PM20D2: variants seen among roughly 807,000 people sequenced by gnomAD.
The protein encoded by PM20D2 is xaa-Arg dipeptidase.
In PM20D2, 33 loss-of-function variants were observed where a neutral mutation model predicts 42.9. That is an observed-to-expected ratio of 0.77 (90% CI 0.58 to 1.03). The LOEUF is 1.03. Ranked by LOEUF, PM20D2 falls within the 50% of genes least tolerant of loss-of-function variation. PM20D2 has a pLI of 0.00. For missense variants in PM20D2, 548 were observed against 557.0 expected (o/e 0.98, Z 0.16); for synonymous variants, 250 against 228.2 (o/e 1.10, Z -0.86).
chr6:89,150,684 C>T (rs1351820892), intron 2 of PM20D2, among the ~76,000 whole-genome samples: 14 of 151,330 alleles, frequency 9.3e-5, no homozygotes, highest in African/African-American at 3.1e-4. Context: ...GGATTACAGG[C>T]GTGCGCCACC....
chr6:89,153,703 T>C (rs1327881887), intron 3 of PM20D2, among the ~76,000 whole-genome samples: 1 of 152,150 alleles, frequency 6.6e-6, no homozygotes, highest in Non-Finnish European at 1.5e-5. Flanking sequence ...GTTCAAGTGA[T>C]GCTCCTGCTT....
the PM20D2 span, among the ~76,000 whole-genome samples, chr6:89,123,543 T>C: frequency 1.3e-5 from 2 of 150,622 alleles, no homozygotes; most frequent in African/African-American, 4.9e-5. Flanking sequence ...CAACATACGA[T>C]ACCTCATCTC....
chr6:89,109,482 T>C, the PM20D2 span, among the ~76,000 whole-genome samples: 1 of 152,168 alleles, frequency 6.6e-6, no homozygotes, highest in African/African-American at 2.4e-5. Flanking sequence ...ACACAGCCAG[T>C]AGTAGAGCTA....
the PM20D2 span, among the ~76,000 whole-genome samples, chr6:89,116,282 C>T: frequency 6.6e-6 from 1 of 152,172 alleles, no homozygotes; most frequent in African/African-American, 2.4e-5. Context: ...AGGCTTGATG[C>T]TTATTCCATT....
chr6:89,109,387 T>C, the PM20D2 span, among the ~76,000 whole-genome samples: 1 of 152,150 alleles, frequency 6.6e-6, no homozygotes, highest in East Asian at 1.9e-4. Flanking sequence ...TATATTTGCC[T>C]ATCAATGAAA....
At chr6:89,095,934 T>C in the PM20D2 span, 1 of 152,230 alleles carries the variant, frequency 6.6e-6, no homozygotes, top group Non-Finnish European at 1.5e-5. Context: ...ATATAGTCTC[T>C]TTAAAAGAAC....
At chr6:89,162,010 T>C in intron 6 of PM20D2, 99 bp from the exon 7 acceptor site, 4 of 1,488,256 alleles carry the variant, frequency 2.7e-6, no homozygotes, top group Non-Finnish European at 3.7e-6. Context: ...TGCACTGTGG[T>C]GGGCAGTTGG....
chr6:89,136,847 A>T, the PM20D2 span, among the ~76,000 whole-genome samples: 1 of 151,226 alleles, frequency 6.6e-6, no homozygotes, highest in African/African-American at 2.5e-5. Flanking sequence ...TAGCAAAGGG[A>T]TGTCAGACAA....
At chr6:89,115,826 G>A in the PM20D2 span, among the ~76,000 whole-genome samples, 1 of 151,202 alleles carries the variant, frequency 6.6e-6, no homozygotes, top group East Asian at 2.0e-4. Flanking sequence ...TAGTAGAGAC[G>A]GGGTTTCATC....
At chr6:89,114,950 CCAT>C in the PM20D2 span, among the ~76,000 whole-genome samples, 1 of 151,924 alleles carries the variant, frequency 6.6e-6, no homozygotes, top group Non-Finnish European at 1.5e-5. Flanking sequence ...GCACGCACCA[CCAT>C]GCCTGGTGAA....
upstream of PM20D2, among the ~76,000 whole-genome samples, chr6:89,143,411 G>A (rs1214284421): frequency 6.6e-6 from 1 of 152,160 alleles, no homozygotes; most frequent in African/African-American, 2.4e-5. Context: ...TTTCTAAGCA[G>A]CCAGGAAAGA....
the PM20D2 span, among the ~76,000 whole-genome samples, chr6:89,103,148 G>A: frequency 6.6e-6 from 1 of 152,138 alleles, no homozygotes; most frequent in African/African-American, 2.4e-5. Context: ...GAATAGCATT[G>A]CCCTGAAAGA....
chr6:89,164,734 CTA>C lies in PM20D2; in HGVS notation c.*2473_*2474del, dbSNP rs1474313840. 1.3e-5 allele frequency: 2 copies of C among 152,106 alleles called. No individual in the cohort carries two copies. The highest frequency in any genetic ancestry group is 2.9e-5 in the Non-Finnish European group (2 of 67,948). The allele number at this position is 152,106 out of a possible 1,614,324, so 9.4% of individuals were successfully genotyped here. On this transcript the variant is annotated 3_prime_UTR_variant, in exon 7 of 7. Coordinates refer to ENST00000275072, the MANE Select transcript of PM20D2 (RefSeq NM_001010853.3). ...ACTGAAAGAAAACAAGACAAAATGT[CTA>C]TGGTAGGGAATAAAAGAGTTTAAGA...
chr6:89,161,515 G>A (rs1238815737), intron 5 of PM20D2, among the ~76,000 whole-genome samples: 10 of 152,196 alleles, frequency 6.6e-5, no homozygotes, highest in Admixed American at 5.9e-4. Flanking sequence ...GTAGGTGGCA[G>A]TGTGGAGTGC....
rs773384604 is a variant in PM20D2, at chr6:89,149,316, T to A, written c.517T>A (p.Leu173Ile). 1.2e-6 allele frequency: 2 copies of A among 1,614,088 alleles called. No individual in the cohort carries two copies. The highest frequency in any genetic ancestry group is 1.1e-5 in the South Asian group (1 of 91,080). ...AGAAGATGGTGGTGGCAAAATTGAT[T>A]TAATTGAAGCAGGGGCTTTTACAAA... ...AEEDGGGKID[L>I]IEAGAFTNLD... Residue 173 changes from leucine to isoleucine, a missense_variant, in exon 2 of 7, where the codon TTA becomes ATA. By Grantham distance (5) the Leu-to-Ile change is conservative. Around this residue, in one of 3 missense-constraint regions of PM20D2, gnomAD observed 470 missense variants for 464.4 expected, o/e 1.01. Transcript: ENST00000275072.
At chr6:89,145,907 A>C (rs1188152549), upstream of PM20D2, 10 of 390,174 alleles carry the variant, frequency 2.6e-5, no homozygotes, top group East Asian at 3.9e-4. Context: ...TGCCTTCTCC[A>C]CAGCACCCCC....
rs1770744430 is a variant in PM20D2 at position 89,149,281 on chromosome 6, C to G, written c.482C>G (p.Thr161Ser). The change falls in exon 2 of 7, where the codon ACC (threonine) becomes AGC (serine). Residue 161 changes from threonine (T) to serine (S), a missense_variant. Physicochemically the swap from Thr to Ser is moderately conservative, Grantham distance 58. This residue lies in a region of PM20D2 where 470 missense variants were observed against 464.4 expected (regional missense o/e 1.01). Coordinates refer to ENST00000275072, the MANE Select transcript of PM20D2 (RefSeq NM_001010853.3). ...TCCTTCTAGGTAGTTGTCCTGGGAA[C>G]CCCTGCAGAAGAAGATGGTGGTGGC... is the stretch of plus-strand genomic sequence containing the variant. ...PPPVKVVVLGTPAEEDGGGKI... is the reference protein window; with the variant it reads ...PPPVKVVVLGSPAEEDGGGKI... The G allele has an allele frequency of 1.9e-6, 3 of 1,613,682 alleles. No individual in the cohort carries two copies. The highest frequency in any genetic ancestry group is 2.7e-5 in the African/African-American group (2 of 74,886).
At chr6:89,159,155 C>T (rs1244235734) in intron 5 of PM20D2, among the ~76,000 whole-genome samples, 1 of 151,978 alleles carries the variant, frequency 6.6e-6, no homozygotes, top group African/African-American at 2.4e-5. Flanking sequence ...AAATCTAGAA[C>T]CCAAAAAGAT....
chr6:89,119,588 A>G, the PM20D2 span, among the ~76,000 whole-genome samples: 2 of 152,206 alleles, frequency 1.3e-5, no homozygotes, highest in South Asian at 4.1e-4. Context: ...AAAGCACCAC[A>G]GATTTGGTGG....
Sources: gnomAD v4.1 joint callset for allele counts (sites outside exome capture counted in the v4.1 genomes callset) on GRCh38, gnomAD v4.1.1 for gene constraint, gnomAD v4.1.1 regional missense constraint, MANE v1.5 for transcripts, NCBI Gene and HGNC (gene_info 2026-07-23, HGNC 2026-07-21) for gene names.